Variants in ICA1 observed in about 807,000 individuals in gnomAD.
The protein encoded by ICA1 is islet cell autoantigen 1, also known as 69 kDa islet cell autoantigen.
A neutral mutation model predicts 71.0 loss-of-function variants in ICA1; 40 were observed. That is an observed-to-expected ratio of 0.56 (90% CI 0.44 to 0.73). The LOEUF is 0.73. Ranked by LOEUF, ICA1 falls within the 30% of genes least tolerant of loss-of-function variation. The pLI, the probability that ICA1 is intolerant of heterozygous loss-of-function variation, is 0.00. For missense variants in ICA1, 578 were observed against 576.5 expected, an observed-to-expected ratio of 1.00 and a Z score of -0.03; for synonymous variants, 207 against 209.5, an observed-to-expected ratio of 0.99 and a Z score of 0.10.
At chr7:8,202,941 G>A (rs938427987) in intron 6 of ICA1, among the ~76,000 whole-genome samples, 3 of 152,164 alleles carry the variant, frequency 2.0e-5, no homozygotes, top group South Asian at 2.1e-4. Context: ...ATGCATATCA[G>A]GACAGGACAG....
intron 6 of ICA1, among the ~76,000 whole-genome samples, chr7:8,208,496 C>T (rs1792427846): frequency 6.6e-6 from 1 of 152,188 alleles, no homozygotes; most frequent in Non-Finnish European, 1.5e-5. Flanking sequence ...CAGGGTACAA[C>T]TGTCTTCTTT....
chr7:8,149,057 G>C (rs925834732), intron 8 of ICA1, among the ~76,000 whole-genome samples: 2 of 152,168 alleles, frequency 1.3e-5, no homozygotes, highest in Admixed American at 1.3e-4. Context: ...TAGAAGTCAG[G>C]GGTGACAATA....
intron 1 of ICA1, among the ~76,000 whole-genome samples, chr7:8,261,519 GC>G (rs1479300158): frequency 6.6e-6 from 1 of 152,102 alleles, no homozygotes; most frequent in Non-Finnish European, 1.5e-5. Flanking sequence ...TGAGCACCTC[GC>G]CCCCGGGGGA....
chr7:8,152,820 TTCAACA>T, intron 8 of ICA1, among the ~76,000 whole-genome samples: 1 of 79,942 alleles, frequency 1.3e-5, no homozygotes, highest in Non-Finnish European at 2.5e-5. Context: ...CACCATCTCC[TTCAACA>T]CCACTACCCC....
In ICA1 at chr7:8,157,140, T is replaced by G. The variant is rs200931331; in HGVS notation, c.780A>C (p.Gln260His). 2.5e-6 allele frequency: 4 copies of G among 1,613,876 alleles called. No individual in the cohort carries two copies. Among genetic ancestry groups the G allele is most frequent in the Non-Finnish European group, 2.5e-6 (3 of 1,179,998 alleles). Reference sequence around the variant, plus strand: ...CCTTTAAAGTAGTAAATTCATATGGTTGATAACCTTTGAAACTCTCATGGA... The same window carrying G: ...CCTTTAAAGTAGTAAATTCATATGGGTGATAACCTTTGAAACTCTCATGGA... ...AAIHESFKGY[Q>H]PYEFTTLKSL... Residue 260 changes from glutamine (Q) to histidine (H), a missense_variant, in exon 8 of 14, where the codon CAA becomes CAC. Physicochemically the swap from Gln to His is conservative, Grantham distance 24. Coordinates refer to ENST00000402384, the MANE Select transcript of ICA1 (RefSeq NM_001136020.3).
intron 12 of ICA1, among the ~76,000 whole-genome samples, chr7:8,136,424 GT>G (rs1376783395): frequency 1.3e-5 from 2 of 152,218 alleles, no homozygotes; most frequent in African/African-American, 4.8e-5. Flanking sequence ...CCTTCCAGCA[GT>G]TTTCCAAAGG....
Position 8,141,781 on chromosome 7 carries a change from T to G in ICA1, c.939A>C (p.Glu313Asp). The change falls in exon 10 of 14, where the codon GAA (glutamate) becomes GAC (aspartate). Residue 313 changes from glutamate (E) to aspartate (D), a missense_variant. Physicochemically the swap from Glu to Asp is conservative, Grantham distance 45. Transcript: ENST00000402384. ...AAAACTTACTCTTAAAACTAGAGGA[T>G]TCCTTGCGCTGGTTTTCTTCCTCTA... ...ISLEEENQRK[E>D]SSSFKTEDGK... The G allele has an allele frequency of 6.4e-7, 1 of 1,568,290 alleles. No individual in the cohort carries two copies. Among genetic ancestry groups the G allele is most frequent in the Non-Finnish European group, 8.7e-7 (1 of 1,145,688 alleles).
chr7:8,165,927 G>C (rs1339873946), intron 6 of ICA1, among the ~76,000 whole-genome samples: 1 of 152,132 alleles, frequency 6.6e-6, no homozygotes, highest in Non-Finnish European at 1.5e-5. Context: ...CAATATTGTT[G>C]AAATGTCCAT....
intron 6 of ICA1, among the ~76,000 whole-genome samples, chr7:8,208,145 A>G (rs1583249423): frequency 6.6e-6 from 1 of 152,214 alleles, no homozygotes; most frequent in African/African-American, 2.4e-5. Context: ...TTTCTTTCTA[A>G]AATATTAATT....
intron 6 of ICA1, among the ~76,000 whole-genome samples, chr7:8,195,467 G>C (rs569231875): frequency 1.1e-4 from 17 of 151,848 alleles, no homozygotes; most frequent in Admixed American, 4.6e-4. Context: ...CCTTGAACCC[G>C]GGAGGCAGAG....
intron 6 of ICA1, among the ~76,000 whole-genome samples, chr7:8,215,805 C>T (rs1030811251): frequency 6.6e-6 from 1 of 152,110 alleles, no homozygotes; most frequent in Non-Finnish European, 1.5e-5. Flanking sequence ...GGCAGCCGGC[C>T]CCGAGGAGAC....
chr7:8,254,344 T>A (rs745548709), intron 1 of ICA1, among the ~76,000 whole-genome samples: 3 of 151,774 alleles, frequency 2.0e-5, no homozygotes, highest in Non-Finnish European at 2.9e-5. Context: ...TGTTTGAGTT[T>A]GGGCTGGCTT....
At chr7:8,203,420 G>T (rs1790421806) in intron 6 of ICA1, among the ~76,000 whole-genome samples, 1 of 152,080 alleles carries the variant, frequency 6.6e-6, no homozygotes, top group African/African-American at 2.4e-5. Context: ...GAGCAAAATT[G>T]CCTTTTTTGA....
chr7:8,177,882 C>T (rs554602830), intron 6 of ICA1, among the ~76,000 whole-genome samples: 2 of 152,264 alleles, frequency 1.3e-5, no homozygotes, highest in African/African-American at 4.8e-5. Context: ...TATGCTGTCA[C>T]TGAATACCAA....
At chr7:8,142,900 T>A (rs1795698552) in intron 9 of ICA1, among the ~76,000 whole-genome samples, 1 of 152,238 alleles carries the variant, frequency 6.6e-6, no homozygotes, top group Non-Finnish European at 1.5e-5. Context: ...CTTGTCTTCA[T>A]TCTGCATCAA....
Position 8,132,486 on chromosome 7 carries a change from C to G in ICA1, c.1061-4344G>C, listed in dbSNP as rs766484863. Among the ~76,000 whole-genome samples the G allele has an allele frequency of 9.9e-5, 15 of 152,220 alleles. No homozygotes were observed. Among genetic ancestry groups the G allele is most frequent in the Non-Finnish European group, 1.9e-4 (13 of 68,042 alleles). ...CTGCCTGTAATTAAGTTCCTGCCCC[C>G]ACCCTATACTGAAATAGCTCTCTTG... On this transcript the variant is annotated intron_variant, in intron 12 of 13. Coordinates refer to ENST00000402384, the MANE Select transcript of ICA1 (RefSeq NM_001136020.3). This position sits in a 1 kb window ranked among gnomAD's most constrained non-coding sequence, Gnocchi z 4.5.
chr7:8,252,964 G>C (rs889491066), intron 1 of ICA1, among the ~76,000 whole-genome samples: 1 of 152,002 alleles, frequency 6.6e-6, no homozygotes, highest in Non-Finnish European at 1.5e-5. Context: ...TCCCACCTCA[G>C]CCTCCTGAGT....
chr7:8,189,057 T>C (rs1585042428), intron 6 of ICA1, among the ~76,000 whole-genome samples: 1 of 152,176 alleles, frequency 6.6e-6, no homozygotes, highest in African/African-American at 2.4e-5. Context: ...AAAGACTTCA[T>C]CTGATTCAGA....
chr7:8,153,701 T>C (rs1800466496), intron 8 of ICA1, among the ~76,000 whole-genome samples: 1 of 152,172 alleles, frequency 6.6e-6, no homozygotes, highest in East Asian at 1.9e-4. Context: ...TCTAGAAAAG[T>C]GACCATGTTT....
Sources: gnomAD v4.1 joint callset for allele counts (sites outside exome capture counted in the v4.1 genomes callset) on GRCh38, gnomAD v4.1.1 for gene constraint, Gnocchi (gnomAD v3.1) non-coding constraint, MANE v1.5 for transcripts, NCBI Gene and HGNC (gene_info 2026-07-23, HGNC 2026-07-21) for gene names.